FUT8: variants seen among roughly 807,000 people sequenced by gnomAD.
The protein encoded by FUT8 is alpha-(1,6)-fucosyltransferase.
FUT8 carries 29 observed loss-of-function variants against 71.3 expected under a neutral mutation model. The observed-to-expected ratio is 0.41, with a 90% confidence interval of 0.30 to 0.55. The LOEUF is 0.55. Among genes scored for constraint, FUT8 ranks in the 20% least tolerant of loss-of-function variants. FUT8 has a pLI of 0.34. For missense variants in FUT8, 544 were observed against 702.1 expected (o/e 0.77, Z 2.55); for synonymous variants, 254 against 239.3 (o/e 1.06, Z -0.57).
chr14:65,427,769 C>A (rs770759525), intron 1 of FUT8, among the ~76,000 whole-genome samples: 1 of 152,152 alleles, frequency 6.6e-6, no homozygotes, highest in Non-Finnish European at 1.5e-5. Context: ...CAACAATTAT[C>A]ACAATCCAGT....
intron 3 of FUT8, among the ~76,000 whole-genome samples, chr14:65,611,291 ACACACACACACCC>A (rs1566851543): frequency 4.3e-5 from 2 of 46,256 alleles, no homozygotes; most frequent in Admixed American, 2.3e-4. Flanking sequence ...ACACACACAC[ACACACACACACCC>A]CCCAAGTAAT....
intron 6 of FUT8, among the ~76,000 whole-genome samples, chr14:65,667,419 C>T (rs1006431717): frequency 6.6e-6 from 1 of 152,026 alleles, no homozygotes; most frequent in African/African-American, 2.4e-5. Context: ...CAATCCTAGT[C>T]AAAATTGCCA....
intron 2 of FUT8, among the ~76,000 whole-genome samples, chr14:65,524,606 C>G (rs949159533): frequency 2.6e-5 from 4 of 152,162 alleles, no homozygotes; most frequent in African/African-American, 9.7e-5. Flanking sequence ...ACTTCCAACA[C>G]TATGTTAAAT....
intron 3 of FUT8, among the ~76,000 whole-genome samples, chr14:65,611,721 C>T (rs779224259): frequency 2.6e-5 from 4 of 152,094 alleles, no homozygotes; most frequent in African/African-American, 7.2e-5. Context: ...AGTTCAAAGG[C>T]GTGATCTCGA....
intron 7 of FUT8, among the ~76,000 whole-genome samples, chr14:65,706,390 T>C (rs530862521): frequency 1.3e-5 from 2 of 152,276 alleles, no homozygotes; most frequent in South Asian, 4.1e-4. Context: ...CCAGCAAGAC[T>C]ATGGGTTTCA....
At chr14:65,683,648 A>G (rs572616559) in intron 7 of FUT8, among the ~76,000 whole-genome samples, 3 of 152,178 alleles carry the variant, frequency 2.0e-5, no homozygotes, top group Non-Finnish European at 4.4e-5. Context: ...AAATAATCAA[A>G]TATTTGGATA....
intron 3 of FUT8, among the ~76,000 whole-genome samples, chr14:65,562,062 A>G (rs1036795205): frequency 2.0e-5 from 3 of 151,962 alleles, no homozygotes; most frequent in Admixed American, 6.6e-5. Context: ...ATCAGCTATC[A>G]TTAGTGTTAG....
At position 65,661,119 on chromosome 14, in the gene FUT8, T is replaced by C. The variant is rs964299055; in HGVS notation, c.598-8124T>C. 2.6e-5 allele frequency among the ~76,000 whole-genome samples: 4 copies of C among 152,304 alleles called. No individual in the cohort carries two copies. In the South Asian group the frequency reaches 8.3e-4, roughly 32 times the overall value. ...CTTCACTGGAAATAGGAGCTATCTT[T>C]GACTTAACTCCTTCCAATAGAAGGA... On this transcript the variant is annotated intron_variant, in intron 6 of 10. Transcript: ENST00000673929.
chr14:65,576,900 C>T (rs1016847646), intron 3 of FUT8, among the ~76,000 whole-genome samples: 6 of 151,554 alleles, frequency 4.0e-5, no homozygotes, highest in African/African-American at 1.5e-4. Flanking sequence ...TTGTACTTTT[C>T]ATAGAGATGG....
intron 2 of FUT8, among the ~76,000 whole-genome samples, chr14:65,510,373 A>G (rs548657286): frequency 2.0e-5 from 3 of 152,112 alleles, no homozygotes; most frequent in East Asian, 3.9e-4. Flanking sequence ...CATCAGGGAT[A>G]TTGGTCCTTA....
chr14:65,585,233 T>C (rs527483337), intron 3 of FUT8, among the ~76,000 whole-genome samples: 10 of 152,276 alleles, frequency 6.6e-5, no homozygotes, highest in African/African-American at 2.4e-4. Flanking sequence ...CACTCTGCTG[T>C]CCAGGCTGGA....
intron 7 of FUT8, among the ~76,000 whole-genome samples, chr14:65,683,239 T>C (rs549703420): frequency 6.6e-6 from 1 of 152,242 alleles, no homozygotes; most frequent in African/African-American, 2.4e-5. Context: ...GGTCTCGAAC[T>C]CCTGACCTCG....
intron 7 of FUT8, among the ~76,000 whole-genome samples, chr14:65,690,028 T>C (rs936714199): frequency 6.6e-6 from 1 of 152,254 alleles, no homozygotes; most frequent in African/African-American, 2.4e-5. Context: ...GAGTTCATTT[T>C]TATGAAAGGT....
At chr14:65,615,437 C>T (rs1272416921) in intron 3 of FUT8, among the ~76,000 whole-genome samples, 3 of 152,144 alleles carry the variant, frequency 2.0e-5, no homozygotes, top group Non-Finnish European at 4.4e-5. Flanking sequence ...TTATCTTCTA[C>T]TCTTGTCTTT....
chr14:65,650,082 G>A (rs1399786338), intron 6 of FUT8, among the ~76,000 whole-genome samples: 1 of 151,840 alleles, frequency 6.6e-6, no homozygotes, highest in Non-Finnish European at 1.5e-5. Context: ...GGATCACGAG[G>A]TCAGGAGATC....
rs557160522 is a variant in FUT8 at position 65,550,710 on chromosome 14, G to T, written c.-227-10627G>T. ...CACATATTTCGATACTTGTTTCAGCGCTCTTGTCTGCTGTCATCATTGTCA... is the reference window on the plus strand; with the variant it reads ...CACATATTTCGATACTTGTTTCAGCTCTCTTGTCTGCTGTCATCATTGTCA... On this transcript the variant is annotated intron_variant, in intron 2 of 10. Transcript: ENST00000673929. The surrounding 1 kb of genome is among the most constrained non-coding windows in gnomAD (Gnocchi z 4.5). Among the ~76,000 whole-genome samples the T allele has an allele frequency of 6.6e-6, 1 of 151,828 alleles. No individual in the cohort carries two copies. Among genetic ancestry groups the T allele is most frequent in the Admixed American group, 6.6e-5 (1 of 15,246 alleles).
intron 5 of FUT8, among the ~76,000 whole-genome samples, chr14:65,628,866 A>C (rs1007917927): frequency 6.6e-6 from 1 of 152,190 alleles, no homozygotes; most frequent in Non-Finnish European, 1.5e-5. Flanking sequence ...TTTATAAATA[A>C]AGTTTTATTC....
chr14:65,411,770 G>T (rs1222982336), upstream of FUT8: 2 of 332,318 alleles, frequency 6.0e-6, no homozygotes, highest in Non-Finnish European at 1.2e-5. Flanking sequence ...AGTTTGGAAC[G>T]GGAAGCTCAT....
At chr14:65,508,490 A>AG (rs200342585) in intron 2 of FUT8, among the ~76,000 whole-genome samples, 689 of 47,394 alleles carry the variant, frequency 0.015, 36 homozygotes, top group African/African-American at 0.052. Context: ...GAGTTGTTTG[A>AG]GTTTTTTTTT....
Sources: allele counts gnomAD v4.1 joint callset (sites outside exome capture counted in the v4.1 genomes callset), GRCh38; gene constraint gnomAD v4.1.1; non-coding constraint Gnocchi (gnomAD v3.1); transcripts MANE v1.5; gene names NCBI Gene and HGNC (gene_info 2026-07-23, HGNC 2026-07-21).